VPS50: variants seen among roughly 807,000 people sequenced by gnomAD.
VPS50 encodes the protein syndetin.
In VPS50, 70 loss-of-function variants were observed where a neutral mutation model predicts 139.7. The ratio of observed to expected loss-of-function variants is 0.50; its 90% confidence interval spans 0.41 to 0.61. VPS50 has a LOEUF of 0.61. Ranked by LOEUF, VPS50 falls within the 20% of genes least tolerant of loss-of-function variation. The probability of loss-of-function intolerance (pLI) is 0.00; values close to 1 mark genes in which losing one functional copy is unlikely to be tolerated. For synonymous variants in VPS50, 365 were observed against 376.7 expected (o/e 0.97, Z 0.36); for missense variants, 921 against 1,133.7 (o/e 0.81, Z 2.69).
At chr7:93,323,761 C>T in intron 21 of VPS50, 29 bp downstream of exon 21, 1 of 1,269,690 alleles carries the variant, frequency 7.9e-7, no homozygotes, top group South Asian at 1.6e-5. Flanking sequence ...GGAAAAAAAT[C>T]TTTCTTTTAA....
chr7:93,288,451 A>G (rs1458964948), intron 12 of VPS50, among the ~76,000 whole-genome samples: 1 of 152,162 alleles, frequency 6.6e-6, no homozygotes, highest in Non-Finnish European at 1.5e-5. Context: ...CATGGTGCAT[A>G]TGTATTTTCA....
chr7:93,285,973 T>A (rs142687632), intron 12 of VPS50, among the ~76,000 whole-genome samples: 87 of 152,320 alleles, frequency 5.7e-4, no homozygotes, highest in African/African-American at 1.9e-3. Flanking sequence ...ATAGAGTTTA[T>A]GGATTTTTTT....
chr7:93,344,076 A>G (rs1379967195), intron 23 of VPS50, among the ~76,000 whole-genome samples: 4 of 152,342 alleles, frequency 2.6e-5, no homozygotes, highest in South Asian at 4.1e-4. Flanking sequence ...TGCTGTATTC[A>G]GGAAACCCAT....
intron 22 of VPS50, among the ~76,000 whole-genome samples, chr7:93,336,458 T>C (rs1798072378): frequency 6.6e-6 from 1 of 152,254 alleles, no homozygotes; most frequent in Non-Finnish European, 1.5e-5. Flanking sequence ...GTTGAATTTT[T>C]AGTTATCCAT....
intron 14 of VPS50, among the ~76,000 whole-genome samples, chr7:93,296,068 G>C (rs1433546675): frequency 6.6e-6 from 1 of 151,976 alleles, no homozygotes; most frequent in Non-Finnish European, 1.5e-5. Flanking sequence ...AATTGTTTAG[G>C]AAAATATATT....
At chr7:93,358,255 G>C in intron 27 of VPS50, 62 bp from the exon 28 acceptor site, 1 of 1,497,930 alleles carries the variant, frequency 6.7e-7, no homozygotes, top group Non-Finnish European at 9.3e-7. Context: ...CTGTTCTTTT[G>C]TTGCACTGAT....
intron 16 of VPS50, among the ~76,000 whole-genome samples, chr7:93,298,541 A>G (rs1368774805): frequency 6.6e-6 from 1 of 152,082 alleles, no homozygotes; most frequent in Non-Finnish European, 1.5e-5. Context: ...CAACTGGGAG[A>G]ACTTTTGGTG....
In VPS50 at chr7:93,289,539, A is replaced by G. The variant is rs916837572; in HGVS notation, c.943-2164A>G. ...TTATATTTTTATATAGTAAAATCAA[A>G]TGTTACTTTTATTACTTGTAAATTT... On this transcript the variant is annotated intron_variant, in intron 12 of 27. Coordinates refer to ENST00000305866, the MANE Select transcript of VPS50 (RefSeq NM_017667.4). Among the ~76,000 whole-genome samples the G allele has an allele frequency of 2.6e-5, 4 of 152,050 alleles. No individual in the cohort carries two copies. The East Asian group carries it at 7.7e-4, about 29-fold the overall frequency.
At chr7:93,313,049 G>A (rs1797317116) in intron 20 of VPS50, among the ~76,000 whole-genome samples, 1 of 152,184 alleles carries the variant, frequency 6.6e-6, no homozygotes, top group Admixed American at 6.5e-5. Flanking sequence ...TTTATATGCA[G>A]CTCTGCTCCG....
chr7:93,252,793 A>C lies in VPS50; in HGVS notation c.225+18A>C. The C allele has an allele frequency of 6.4e-7, 1 of 1,568,446 alleles. No homozygotes were observed. The highest frequency in any genetic ancestry group is 8.7e-7 in the Non-Finnish European group (1 of 1,155,658). On this transcript the variant is annotated intron_variant, in intron 3 of 27. Transcript: ENST00000305866. ...AGCTGGAGGTAAACAGAATTTCATT[A>C]AAACATAACTAAGGCCTGTTTTGTT...
intron 1 of VPS50, among the ~76,000 whole-genome samples, chr7:93,238,913 G>A (rs1584373564): frequency 1.3e-5 from 2 of 152,226 alleles, no homozygotes; most frequent in East Asian, 1.9e-4. Flanking sequence ...GAAAACTTGC[G>A]GTTGAGGCAG....
chr7:93,341,794 A>T (rs1425864350), intron 23 of VPS50, among the ~76,000 whole-genome samples: 1 of 152,244 alleles, frequency 6.6e-6, no homozygotes, highest in Admixed American at 6.5e-5. Flanking sequence ...GAAATCTTTT[A>T]ATTTTCAGCC....
intron 20 of VPS50, among the ~76,000 whole-genome samples, chr7:93,317,616 G>T (rs1340371983): frequency 6.6e-6 from 1 of 152,182 alleles, no homozygotes; most frequent in Non-Finnish European, 1.5e-5. Context: ...ATCTGATTCA[G>T]TAGGTCTAGG....
At chr7:93,256,645 T>C in intron 5 of VPS50, 83 bp downstream of exon 5, 1 of 740,084 alleles carries the variant, frequency 1.4e-6, no homozygotes, top group Non-Finnish European at 2.2e-6. Flanking sequence ...AATATTGTAT[T>C]TTTTGTCAAT....
intron 20 of VPS50, among the ~76,000 whole-genome samples, chr7:93,317,878 A>ATT (rs1797474507): frequency 1.3e-5 from 2 of 152,128 alleles, no homozygotes; most frequent in African/African-American, 4.8e-5. Context: ...TATAGAGTTC[A>ATT]TTGAAGTCAT....
chr7:93,328,989 C>T (rs1226652155), intron 21 of VPS50, among the ~76,000 whole-genome samples: 1 of 152,018 alleles, frequency 6.6e-6, no homozygotes. Flanking sequence ...AAAGCCCAGC[C>T]AAGAAACTTA....
intron 27 of VPS50, among the ~76,000 whole-genome samples, chr7:93,357,314 T>C (rs1798734502): frequency 6.6e-6 from 1 of 152,144 alleles, no homozygotes; most frequent in Non-Finnish European, 1.5e-5. Flanking sequence ...TTTTTTAACT[T>C]AGTACTTTGA....
At chr7:93,303,611 T>A in intron 17 of VPS50, 61 bp downstream of exon 17, 1 of 694,196 alleles carries the variant, frequency 1.4e-6, no homozygotes, top group Non-Finnish European at 2.4e-6. Context: ...CCCTTTTTTT[T>A]GAAAAAAAAA....
intron 1 of VPS50, among the ~76,000 whole-genome samples, chr7:93,234,463 A>G (rs1257134580): frequency 1.3e-5 from 2 of 152,204 alleles, no homozygotes; most frequent in Non-Finnish European, 2.9e-5. Flanking sequence ...AGTGAGGTAA[A>G]ATTAGGAGTT....
Sources: gnomAD v4.1 joint callset for allele counts (sites outside exome capture counted in the v4.1 genomes callset) on GRCh38, gnomAD v4.1.1 for gene constraint, MANE v1.5 for transcripts, NCBI Gene and HGNC (gene_info 2026-07-23, HGNC 2026-07-21) for gene names.